CHD6: variants seen among roughly 807,000 people sequenced by gnomAD.
CHD6 encodes the protein chromodomain helicase DNA binding protein 6.
In CHD6, 50 loss-of-function variants were observed where a neutral mutation model predicts 276.9. That is an observed-to-expected ratio of 0.18 (90% CI 0.14 to 0.23). The LOEUF (loss-of-function observed/expected upper bound fraction) is 0.23. Among genes scored for constraint, CHD6 ranks in the 10% least tolerant of loss-of-function variants. The pLI is 1.00. For missense variants in CHD6, 2,564 were observed against 3,365.8 expected (o/e 0.76, Z 5.89); for synonymous variants, 1,173 against 1,229.3 (o/e 0.95, Z 0.96).
At chr20:41,591,379 T>TACAC (rs201725894) in intron 1 of CHD6, among the ~76,000 whole-genome samples, 83 of 144,184 alleles carry the variant, frequency 5.8e-4, no homozygotes, top group East Asian at 1.2e-3. Context: ...TATATATATA[T>TACAC]ACACACACAC....
chr20:41,617,753 G>A (rs2045947564), intron 1 of CHD6, among the ~76,000 whole-genome samples: 1 of 151,950 alleles, frequency 6.6e-6, no homozygotes, highest in Admixed American at 6.5e-5. Flanking sequence ...GAGGGGGTGC[G>A]CGATCCGAGG....
At chr20:41,484,195 C>T (rs1406883630) in intron 15 of CHD6, among the ~76,000 whole-genome samples, 157 bp downstream of exon 15, 2 of 152,216 alleles carry the variant, frequency 1.3e-5, no homozygotes, top group Non-Finnish European at 2.9e-5. Flanking sequence ...GCAAATTCAT[C>T]AAGCTCTCTG....
At chr20:41,596,801 A>G (rs954950823) in intron 1 of CHD6, among the ~76,000 whole-genome samples, 5 of 152,212 alleles carry the variant, frequency 3.3e-5, no homozygotes, top group Non-Finnish European at 5.9e-5. Context: ...TGAAAGCTCC[A>G]TTTTGTTACT....
intron 1 of CHD6, among the ~76,000 whole-genome samples, chr20:41,553,901 G>C (rs1300806880): frequency 1.3e-5 from 2 of 152,210 alleles, no homozygotes. Flanking sequence ...TGTAATCCCA[G>C]CACTTTGGGA....
intron 1 of CHD6, among the ~76,000 whole-genome samples, chr20:41,587,874 CA>C (rs1183633090): frequency 1.3e-5 from 2 of 152,034 alleles, no homozygotes; most frequent in Non-Finnish European, 2.9e-5. Flanking sequence ...TAGACTCTCT[CA>C]AATTTGAAAT....
chr20:41,458,361 T>C (rs2048440852), intron 17 of CHD6, among the ~76,000 whole-genome samples: 1 of 152,248 alleles, frequency 6.6e-6, no homozygotes, highest in Non-Finnish European at 1.5e-5. Flanking sequence ...AATGAAGGCA[T>C]GCACTTAAAT....
chr20:41,547,221 G>A (rs2146131066), intron 2 of CHD6, among the ~76,000 whole-genome samples: 1 of 152,262 alleles, frequency 6.6e-6, no homozygotes, highest in Non-Finnish European at 1.5e-5. Flanking sequence ...AGATTTCCTT[G>A]CCACTGACAA....
chr20:41,516,120 T>C (rs1478195451), intron 3 of CHD6, among the ~76,000 whole-genome samples: 3 of 152,136 alleles, frequency 2.0e-5, no homozygotes, highest in African/African-American at 7.2e-5. Context: ...TTCTTTTACA[T>C]GAATTATTGC....
Position 41,413,531 on chromosome 20 carries a change from A to G in CHD6, c.6940-16T>C. Reference sequence around the variant, plus strand: ...CATGGACTTCCTGGATGAAGGAAAAACGAGTATGTATAATCACGACACAAT... The same window carrying G: ...CATGGACTTCCTGGATGAAGGAAAAGCGAGTATGTATAATCACGACACAAT... On this transcript the variant is annotated splice_polypyrimidine_tract_variant and intron_variant, in intron 34 of 36. Transcript: ENST00000373233. 1 of 1,513,592 alleles carries G rather than the reference A, an allele frequency of 6.6e-7. No individual in the cohort carries two copies. Among genetic ancestry groups the G allele is most frequent in the South Asian group, 1.3e-5 (1 of 78,842 alleles). 93.8% of individuals were successfully genotyped at this position (1,513,592 alleles called of 1,614,324 possible).
chr20:41,458,850 G>A (rs1359244323), intron 17 of CHD6, among the ~76,000 whole-genome samples: 2 of 152,094 alleles, frequency 1.3e-5, no homozygotes, highest in Non-Finnish European at 2.9e-5. Flanking sequence ...AGGTGGCCAT[G>A]CCATGTGAGT....
chr20:41,463,719 G>A (rs1041921345), intron 17 of CHD6, among the ~76,000 whole-genome samples: 24 of 152,204 alleles, frequency 1.6e-4, no homozygotes, highest in Admixed American at 1.5e-3. Flanking sequence ...GGACATGACA[G>A]CTAAAGGTAA....
intron 1 of CHD6, among the ~76,000 whole-genome samples, chr20:41,581,033 C>G (rs2045532315): frequency 1.3e-5 from 2 of 152,194 alleles, no homozygotes; most frequent in Admixed American, 1.3e-4. Flanking sequence ...TTATATTTAT[C>G]CACACTGATA....
At chr20:41,595,667 T>C (rs928904936) in intron 1 of CHD6, among the ~76,000 whole-genome samples, 3 of 152,134 alleles carry the variant, frequency 2.0e-5, no homozygotes, top group Non-Finnish European at 4.4e-5. Context: ...AAATTCCCTC[T>C]AATAGCCCTC....
At chr20:41,488,705 T>C in intron 12 of CHD6, 101 bp from the exon 13 acceptor site, 1 of 982,956 alleles carries the variant, frequency 1.0e-6, no homozygotes, top group Non-Finnish European at 1.5e-6. Flanking sequence ...TGCTGGGGCC[T>C]AGGTGAGAAG....
rs1043596707 is a variant in CHD6, at chr20:41,524,643, C to T, written c.554+8407G>A. ...ACTGATGCCTCTCTAACCCCAAATA[C>T]GCTCATGCTTCTAGTTCATTATTTA... On this transcript the variant is annotated intron_variant, in intron 3 of 36. Transcript: ENST00000373233. 1.2e-4 allele frequency among the ~76,000 whole-genome samples: 18 copies of T among 152,172 alleles called. 1 individual carries two copies. Among genetic ancestry groups the T allele is most frequent in the African/African-American group, 2.7e-4 (11 of 41,444 alleles).
rs147495022 is a variant in CHD6 at position 41,444,990 on chromosome 20, T to C, written c.3877+675A>G. Among the ~76,000 whole-genome samples, 555 of 152,346 alleles carry C rather than the reference T, an allele frequency of 3.6e-3. 4 individuals are homozygous for C. The highest frequency in any genetic ancestry group is 0.012 in the African/African-American group (512 of 41,584). ...TGGCAGGGAAAGTGTGTATCAGGCA[T>C]ACTATGGGTGACTATCACTTGACAC... On this transcript the variant is annotated intron_variant, in intron 25 of 36. Coordinates refer to ENST00000373233, the MANE Select transcript of CHD6 (RefSeq NM_032221.5).
chr20:41,450,483 T>A (rs1029072588), intron 23 of CHD6, among the ~76,000 whole-genome samples: 4 of 151,522 alleles, frequency 2.6e-5, no homozygotes, highest in African/African-American at 7.3e-5. Context: ...GCTGTCTCCA[T>A]CCCACCCGAC....
At chr20:41,556,221 C>G (rs567168960) in intron 1 of CHD6, among the ~76,000 whole-genome samples, 36 of 151,578 alleles carry the variant, frequency 2.4e-4, no homozygotes, top group Middle Eastern at 3.4e-3. Context: ...AGCTTTGGCT[C>G]GGCATCAGAG....
intron 2 of CHD6, among the ~76,000 whole-genome samples, chr20:41,535,304 C>T (rs75893178): frequency 0.017 from 2,649 of 152,308 alleles, 43 homozygotes; most frequent in Non-Finnish European, 0.022. Flanking sequence ...AGGGCTTCTG[C>T]AAGGCATGTT....
Sources: gnomAD v4.1 joint callset for allele counts (sites outside exome capture counted in the v4.1 genomes callset) on GRCh38, gnomAD v4.1.1 for gene constraint, MANE v1.5 for transcripts, NCBI Gene and HGNC (gene_info 2026-07-23, HGNC 2026-07-21) for gene names.